The following TBCK variants were observed in gnomAD, a reference collection of about 807,000 sequenced individuals.
TBCK encodes TBC domain-containing protein kinase-like protein.
A neutral mutation model predicts 113.4 loss-of-function variants in TBCK; 99 were observed. That is an observed-to-expected ratio of 0.87 (90% CI 0.74 to 1.03). The LOEUF (loss-of-function observed/expected upper bound fraction) is 1.03, where lower values mean the gene tolerates loss of function less well. Ranked by LOEUF, TBCK falls within the 50% of genes least tolerant of loss-of-function variation. The pLI is 0.00. For missense variants in TBCK, 1,045 were observed against 1,061.3 expected (o/e 0.98, Z 0.21); for synonymous variants, 369 against 370.8 (o/e 1.00, Z 0.05).
rs777456941 is a variant in TBCK at position 106,236,544 on chromosome 4, A to C, written c.1221-25T>G. ...GCTGTAAAAGAGAACAAAAGCAATAAAAAAAAAAAATGGACAAAAGGTACA... is the reference window on the plus strand; with the variant it reads ...GCTGTAAAAGAGAACAAAAGCAATACAAAAAAAAAATGGACAAAAGGTACA... On this transcript the variant is annotated intron_variant, in intron 13 of 25. Transcript: ENST00000394708. 2.2e-3 allele frequency: 2,019 copies of C among 924,138 alleles called. 3 individuals carry two copies. The highest frequency in any genetic ancestry group is 2.6e-3 in the Non-Finnish European group (1,849 of 706,874). The allele number at this position is 924,138 out of a possible 1,614,324, so 57.2% of individuals were successfully genotyped here.
In TBCK at chr4:106,069,156, T is replaced by C. The variant is rs556104537; in HGVS notation, c.2572-22476A>G. On this transcript the variant is annotated intron_variant, in intron 25 of 25. Coordinates refer to ENST00000394708, the MANE Select transcript of TBCK (RefSeq NM_001163435.3). ...AGAAGCTCTTTAGTTTAATTAGATCTCATTTGTCAATTTTGGCTTTTGTTG... is the reference window on the plus strand; with the variant it reads ...AGAAGCTCTTTAGTTTAATTAGATCCCATTTGTCAATTTTGGCTTTTGTTG... Among the ~76,000 whole-genome samples the C allele has an allele frequency of 2.9e-4, 44 of 152,242 alleles. No homozygotes were observed. In the South Asian group the frequency reaches 7.7e-3, roughly 27 times the overall value.
At chr4:106,102,802 T>C (rs1189617346) in intron 24 of TBCK, among the ~76,000 whole-genome samples, 1 of 152,202 alleles carries the variant, frequency 6.6e-6, no homozygotes, top group African/African-American at 2.4e-5. Context: ...TTGCTTCCTC[T>C]AGGGAAGGAA....
In TBCK at chr4:106,088,475, T is replaced by C. The variant is rs28778718; in HGVS notation, c.2571+7007A>G. Reference sequence around the variant, plus strand: ...AGATGCTGCTGAAGGTGTGGAGAAATAGGAACACTTACACTGTTGGTAGGA... The same window carrying C: ...AGATGCTGCTGAAGGTGTGGAGAAACAGGAACACTTACACTGTTGGTAGGA... On this transcript the variant is annotated intron_variant, in intron 25 of 25. Transcript: ENST00000394708. Among the ~76,000 whole-genome samples, 577 of 152,234 alleles carry C rather than the reference T, an allele frequency of 3.8e-3. 3 individuals are homozygous for C. The highest frequency in any genetic ancestry group is 0.013 in the African/African-American group (549 of 41,516).
At chr4:106,306,481 T>A (rs4591688) in intron 2 of TBCK, among the ~76,000 whole-genome samples, 1 of 152,098 alleles carries the variant, frequency 6.6e-6, no homozygotes, top group African/African-American at 2.4e-5. Flanking sequence ...ACTATTACTG[T>A]ATTATTTAAT....
chr4:106,120,467 G>C (rs1456207428), intron 23 of TBCK, among the ~76,000 whole-genome samples: 3 of 152,198 alleles, frequency 2.0e-5, no homozygotes, highest in Non-Finnish European at 4.4e-5. Context: ...GCCCACCACA[G>C]CTCAAGGAGG....
intron 7 of TBCK, among the ~76,000 whole-genome samples, chr4:106,249,344 A>G (rs914135173): frequency 6.6e-6 from 1 of 152,144 alleles, no homozygotes; most frequent in Admixed American, 6.6e-5. Flanking sequence ...AGGTCCACTT[A>G]TATGTGGATT....
intron 24 of TBCK, among the ~76,000 whole-genome samples, chr4:106,106,607 T>A (rs1386193907): frequency 2.6e-5 from 4 of 152,202 alleles, no homozygotes; most frequent in Non-Finnish European, 5.9e-5. Context: ...AGGGACTTCA[T>A]TACTACCAGA....
intron 23 of TBCK, among the ~76,000 whole-genome samples, chr4:106,144,465 T>C (rs922601932): frequency 6.6e-6 from 1 of 152,130 alleles, no homozygotes; most frequent in African/African-American, 2.4e-5. Flanking sequence ...CAGTCCATGC[T>C]ACTATGAAAT....
intron 3 of TBCK, among the ~76,000 whole-genome samples, chr4:106,266,536 A>C (rs1393177450): frequency 6.6e-6 from 1 of 151,908 alleles, no homozygotes; most frequent in African/African-American, 2.4e-5. Flanking sequence ...ATTGTGAGCT[A>C]TTAGACATTA....
intron 23 of TBCK, among the ~76,000 whole-genome samples, chr4:106,122,573 A>G (rs1266551547): frequency 6.6e-6 from 1 of 152,218 alleles, no homozygotes; most frequent in African/African-American, 2.4e-5. Context: ...ACACAGCAAA[A>G]AAAGCGAATT....
chr4:106,167,192 ATAG>A (rs1750499526), intron 23 of TBCK, among the ~76,000 whole-genome samples: 1 of 147,334 alleles, frequency 6.8e-6, no homozygotes, highest in Non-Finnish European at 1.5e-5. Context: ...ATATATATAT[ATAG>A]AACTGTATAT....
At position 106,295,119 on chromosome 4, in the gene TBCK, A is replaced by C; in HGVS notation, c.241T>G (p.Leu81Val). 2 of 1,613,686 alleles carry C rather than the reference A, an allele frequency of 1.2e-6. No homozygotes were observed. Among genetic ancestry groups the C allele is most frequent in the Non-Finnish European group, 1.7e-6 (2 of 1,179,748 alleles). ...AEHCERSLED[L>V]LRERKPVSCS... The stretch of plus-strand genomic sequence containing the variant: ...CTCACAGGTTTCCTTTCTCGAAGCA[A>C]GTCTTCCAGACTACGTTCACAATGT... The change falls in exon 3 of 26, where the codon TTG (leucine) becomes GTG (valine). Residue 81 changes from leucine to valine, a missense_variant. By Grantham distance (32) the Leu-to-Val change is conservative. Transcript: ENST00000394708.
intron 2 of TBCK, among the ~76,000 whole-genome samples, chr4:106,308,503 A>G (rs1767784837): frequency 6.6e-6 from 1 of 152,242 alleles, no homozygotes; most frequent in Non-Finnish European, 1.5e-5. Flanking sequence ...ATACATCGAA[A>G]GAGGACAGCA....
chr4:106,101,164 A>T (rs1477577368), intron 24 of TBCK, among the ~76,000 whole-genome samples: 1 of 152,170 alleles, frequency 6.6e-6, no homozygotes, highest in African/African-American at 2.4e-5. Context: ...GCAGGTCCTC[A>T]AACAGGACTG....
chr4:106,297,928 T>C (rs187906693), intron 2 of TBCK, among the ~76,000 whole-genome samples: 8 of 152,328 alleles, frequency 5.3e-5, no homozygotes, highest in Admixed American at 2.6e-4. Flanking sequence ...AGTTAATATA[T>C]AATAAAGGCC....
intron 3 of TBCK, 113 bp downstream of exon 3, chr4:106,294,981 C>G: frequency 1.3e-6 from 1 of 748,458 alleles, no homozygotes; most frequent in South Asian, 2.9e-5. Context: ...TTTGCACCTA[C>G]CTTTATCATT....
chr4:106,212,214 T>C (rs1756229248), intron 20 of TBCK, among the ~76,000 whole-genome samples: 1 of 152,146 alleles, frequency 6.6e-6, no homozygotes, highest in South Asian at 2.1e-4. Flanking sequence ...ATGTGATGTT[T>C]TGATATATGT....
Position 106,244,766 on chromosome 4 carries a change from T to G in TBCK, c.932-2A>C. On this transcript the variant is annotated splice_acceptor_variant, in intron 10 of 25. Coordinates refer to ENST00000394708, the MANE Select transcript of TBCK (RefSeq NM_001163435.3). LOFTEE classifies it high-confidence loss of function. ...CTGCCAGGTAATCATTATTTATATC[T>G]ATTAAAAGCAAATTTAAGGAATCAT... is the stretch of plus-strand genomic sequence containing the variant. 1 of 1,543,174 alleles carries G rather than the reference T, an allele frequency of 6.5e-7. No individual in the cohort carries two copies. The highest frequency in any genetic ancestry group is 2.3e-5 in the East Asian group (1 of 44,048).
At chr4:106,126,488 C>T (rs768527235) in intron 23 of TBCK, among the ~76,000 whole-genome samples, 6 of 152,134 alleles carry the variant, frequency 3.9e-5, no homozygotes, top group Non-Finnish European at 7.3e-5. Context: ...GAAAACTGTG[C>T]AAGTACCTCT....
Sources: gnomAD v4.1 joint callset for allele counts (sites outside exome capture counted in the v4.1 genomes callset) on GRCh38, gnomAD v4.1.1 for gene constraint, MANE v1.5 for transcripts, NCBI Gene and HGNC (gene_info 2026-07-23, HGNC 2026-07-21) for gene names.